Variants in CDH7 observed in about 807,000 individuals in gnomAD.
CDH7 encodes the protein cadherin-7.
A neutral mutation model predicts 71.8 loss-of-function variants in CDH7; 25 were observed. The observed-to-expected ratio is 0.35, with a 90% confidence interval of 0.25 to 0.49. The LOEUF is 0.49. Ranked by LOEUF, CDH7 falls within the 20% of genes least tolerant of loss-of-function variation. CDH7 has a pLI of 0.99. For synonymous variants in CDH7, 381 were observed against 363.8 expected, an observed-to-expected ratio of 1.05 and a Z score of -0.54; for missense variants, 862 against 974.6, an observed-to-expected ratio of 0.88 and a Z score of 1.54.
At chr18:65,810,927 A>G (rs958650725) in intron 3 of CDH7, among the ~76,000 whole-genome samples, 7 of 152,198 alleles carry the variant, frequency 4.6e-5, no homozygotes, top group Non-Finnish European at 7.3e-5. Context: ...GATACCCAGT[A>G]AAGCATTTCT....
At chr18:65,808,093 G>A (rs935001105) in intron 2 of CDH7, among the ~76,000 whole-genome samples, 13 of 152,226 alleles carry the variant, frequency 8.5e-5, no homozygotes, top group Admixed American at 5.9e-4. Context: ...CAGTTTCCTC[G>A]TCTGTTAGTA....
chr18:65,880,938 CA>C lies in CDH7; in HGVS notation c.*50del, dbSNP rs1332529654. The C allele has an allele frequency of 6.6e-7, 1 of 1,513,072 alleles. No individual in the cohort carries two copies. Among genetic ancestry groups the C allele is most frequent in the Non-Finnish European group, 8.9e-7 (1 of 1,129,448 alleles). The allele number at this position is 1,513,072 out of a possible 1,614,324, so 93.7% of individuals were successfully genotyped here. On this transcript the variant is annotated 3_prime_UTR_variant, in exon 12 of 12. Transcript: ENST00000397968. ...AAATGTACTGAAGAAAAAGTAACAGCAAAAAATAAAATAAAATGAAATAAAA... is the reference window on the plus strand; with the variant it reads ...AAATGTACTGAAGAAAAAGTAACAGCAAAAATAAAATAAAATGAAATAAAA...
At chr18:65,771,936 G>A (rs906732267) in intron 2 of CDH7, among the ~76,000 whole-genome samples, 4 of 152,124 alleles carry the variant, frequency 2.6e-5, no homozygotes, top group Non-Finnish European at 4.4e-5. Context: ...AATTTCTCAA[G>A]ATGGGGCTGT....
intron 6 of CDH7, among the ~76,000 whole-genome samples, chr18:65,841,423 T>C (rs1453868802): frequency 6.6e-6 from 1 of 152,130 alleles, no homozygotes; most frequent in Admixed American, 6.6e-5. Context: ...AACTTAAAGG[T>C]TGTGGTTTTG....
At chr18:65,769,782 A>C (rs770042008) in intron 2 of CDH7, among the ~76,000 whole-genome samples, 2 of 152,050 alleles carry the variant, frequency 1.3e-5, no homozygotes, top group Non-Finnish European at 2.9e-5. Context: ...TTCTTAATGC[A>C]TATGTTTCAG....
At chr18:65,754,734 A>T (rs1011788258) in intron 1 of CDH7, among the ~76,000 whole-genome samples, 27 of 152,298 alleles carry the variant, frequency 1.8e-4, no homozygotes, top group African/African-American at 6.0e-4. Flanking sequence ...GCCAAACAAA[A>T]TGGCCCCATA....
At chr18:65,835,169 G>C (rs148506135) in intron 6 of CDH7, among the ~76,000 whole-genome samples, 1 of 152,124 alleles carries the variant, frequency 6.6e-6, no homozygotes, top group East Asian at 1.9e-4. Flanking sequence ...AAGAACAGAG[G>C]TTGTATGGTC....
chr18:65,794,604 A>G (rs1032358166), intron 2 of CDH7, among the ~76,000 whole-genome samples: 1 of 151,902 alleles, frequency 6.6e-6, no homozygotes, highest in Non-Finnish European at 1.5e-5. Flanking sequence ...AAAAAAAAAA[A>G]ACCTGAAAAT....
At chr18:65,774,606 A>G (rs2143813990) in intron 2 of CDH7, among the ~76,000 whole-genome samples, 1 of 151,750 alleles carries the variant, frequency 6.6e-6, no homozygotes, top group East Asian at 1.9e-4. Flanking sequence ...GTTGTACCTG[A>G]GTCAGCACGA....
At chr18:65,864,035 C>T (rs1254956554) in intron 11 of CDH7, 1 of 152,094 alleles carries the variant, frequency 6.6e-6, no homozygotes, top group East Asian at 1.9e-4. Flanking sequence ...ATTATAAATG[C>T]TGTCGTGAAA....
chr18:65,860,050 T>C (rs1355142335), intron 10 of CDH7, among the ~76,000 whole-genome samples: 1 of 152,176 alleles, frequency 6.6e-6, no homozygotes, highest in African/African-American at 2.4e-5. Flanking sequence ...GAAAGTTAGA[T>C]TTTTCTCATT....
At chr18:65,867,754 G>A (rs983841) in intron 11 of CDH7, among the ~76,000 whole-genome samples, 94,536 of 151,992 alleles carry the variant, frequency 0.62, 31,841 homozygotes, top group East Asian at 0.92. Flanking sequence ...GTCTTCTAGC[G>A]TTCCTTCCAG....
At chr18:65,766,257 G>A (rs755770372) in intron 2 of CDH7, among the ~76,000 whole-genome samples, 1 of 151,978 alleles carries the variant, frequency 6.6e-6, no homozygotes, top group Admixed American at 6.6e-5. Context: ...TTCAAATTTC[G>A]AGTCCATGTT....
chr18:65,859,945 C>T, intron 10 of CDH7, 120 bp downstream of exon 10: 1 of 607,964 alleles, frequency 1.6e-6, no homozygotes, highest in Non-Finnish European at 3.0e-6. Context: ...AATTAAAGGG[C>T]AATGAGCACC....
At chr18:65,835,296 A>G (rs1912494996) in intron 6 of CDH7, among the ~76,000 whole-genome samples, 1 of 152,212 alleles carries the variant, frequency 6.6e-6, no homozygotes, top group Non-Finnish European at 1.5e-5. Flanking sequence ...ATCCCTGAGA[A>G]GAAAGAAGCA....
chr18:65,840,857 T>C (rs978679506), intron 6 of CDH7, among the ~76,000 whole-genome samples: 4 of 152,194 alleles, frequency 2.6e-5, no homozygotes, highest in African/African-American at 7.2e-5. Context: ...AAATTACTTT[T>C]ATTTTTTTCT....
intron 10 of CDH7, among the ~76,000 whole-genome samples, chr18:65,861,218 A>T (rs140499713): frequency 2.0e-5 from 3 of 152,242 alleles, no homozygotes; most frequent in African/African-American, 7.2e-5. Context: ...AAACATATGA[A>T]TACAGAGAGA....
At chr18:65,858,805 T>C in intron 8 of CDH7, 120 bp from the exon 9 acceptor site, 1 of 905,392 alleles carries the variant, frequency 1.1e-6, no homozygotes, top group Non-Finnish European at 1.7e-6. Flanking sequence ...TTTCTATAGC[T>C]CCTTTTAAGT....
At chr18:65,871,665 A>C (rs1289910088) in intron 11 of CDH7, among the ~76,000 whole-genome samples, 1 of 152,200 alleles carries the variant, frequency 6.6e-6, no homozygotes, top group Non-Finnish European at 1.5e-5. Context: ...ATAGGAAACA[A>C]ATCAGAGGAA....
Sources: allele counts gnomAD v4.1 joint callset (sites outside exome capture counted in the v4.1 genomes callset), GRCh38; gene constraint gnomAD v4.1.1; transcripts MANE v1.5; gene names NCBI Gene and HGNC (gene_info 2026-07-23, HGNC 2026-07-21).